Variants in ABHD5 observed in about 807,000 individuals in gnomAD.
The protein encoded by ABHD5 is abhydrolase domain containing 5, lysophosphatidic acid acyltransferase, also known as 1-acylglycerol-3-phosphate O-acyltransferase ABHD5.
In ABHD5, 30 loss-of-function variants were observed where a neutral mutation model predicts 44.9. The ratio of observed to expected loss-of-function variants is 0.67; its 90% confidence interval spans 0.50 to 0.91. The LOEUF (loss-of-function observed/expected upper bound fraction) is 0.91. Ranked by LOEUF, ABHD5 falls within the 40% of genes least tolerant of loss-of-function variation. The pLI is 0.00. For synonymous variants in ABHD5, 167 were observed against 147.0 expected (o/e 1.14, Z -0.99); for missense variants, 399 against 423.4 (o/e 0.94, Z 0.50).
intron 3 of ABHD5, among the ~76,000 whole-genome samples, chr3:43,706,085 T>C (rs1487965818): frequency 1.3e-5 from 2 of 152,154 alleles, no homozygotes; most frequent in East Asian, 3.9e-4. Context: ...GAAGTTGGCA[T>C]TCCCACTAAG....
chr3:43,695,942 A>T (rs1457604363), intron 1 of ABHD5, among the ~76,000 whole-genome samples: 1 of 152,206 alleles, frequency 6.6e-6, no homozygotes, highest in Non-Finnish European at 1.5e-5. Flanking sequence ...CACTAAAAAG[A>T]TTCTTAGTTT....
At chr3:43,733,210 G>A (rs556282906) in intron 7 of ABHD5, among the ~76,000 whole-genome samples, 43 of 152,264 alleles carry the variant, frequency 2.8e-4, no homozygotes, top group African/African-American at 9.1e-4. Context: ...GGGATCCCTG[G>A]GGGCTGTCTT....
chr3:43,718,641 C>G lies in ABHD5; in HGVS notation c.*109C>G, dbSNP rs1027112837. On this transcript the variant is annotated 3_prime_UTR_variant, in exon 7 of 7. Transcript: ENST00000644371. ...ATACAACACACAACCAGGCAGCCTTCTTGACTATACTTTGCACATGTTTTC... is the reference window on the plus strand; with the variant it reads ...ATACAACACACAACCAGGCAGCCTTGTTGACTATACTTTGCACATGTTTTC... 39 of 1,029,534 alleles carry G rather than the reference C, an allele frequency of 3.8e-5. No homozygotes were observed. The Admixed American group carries it at 5.5e-4, about 14-fold the overall frequency. The allele number at this position is 1,029,534 out of a possible 1,614,324, so 63.8% of individuals were successfully genotyped here. A position where few individuals can be genotyped will look rare whatever the true frequency, so the allele number is the denominator to read the frequency against.
intron 1 of ABHD5, chr3:43,691,653 G>A (rs2084388791): frequency 6.6e-6 from 1 of 152,344 alleles, no homozygotes; most frequent in Non-Finnish European, 1.5e-5. Context: ...GGGAAGGAGG[G>A]AGGGGAGAAG....
rs1697282119 is a variant in ABHD5 at position 43,733,602 on chromosome 3, C to A, written c.*30-278C>A. Among the ~76,000 whole-genome samples, 3 of 152,338 alleles carry A rather than the reference C, an allele frequency of 2.0e-5. No homozygotes were observed. The South Asian group carries it at 6.2e-4, about 32-fold the overall frequency. On this transcript the variant is annotated intron_variant, in intron 7 of 7. Transcript: ENST00000454293. ...AGGATGCCCTTGTGTTTGCCTTTCA[C>A]ATCTGGATTGTTGTCATAGTCCTGC...
downstream of ABHD5, among the ~76,000 whole-genome samples, chr3:43,725,434 T>C (rs773191629): frequency 3.4e-4 from 52 of 152,228 alleles, no homozygotes; most frequent in Admixed American, 1.3e-3. Context: ...AGCTCCAAGA[T>C]TTAAAAATTT....
At chr3:43,699,179 T>C in intron 1 of ABHD5, 97 bp from the exon 2 acceptor site, 2 of 1,069,748 alleles carry the variant, frequency 1.9e-6, no homozygotes, top group Non-Finnish European at 2.9e-6. Context: ...ACACAGGTAG[T>C]AAATTTCCTG....
In ABHD5 at chr3:43,691,085, C is replaced by T. The variant is rs201623005; in HGVS notation, c.47+46C>T. The T allele has an allele frequency of 1.8e-5, 27 of 1,503,506 alleles. No individual in the cohort carries two copies. In the East Asian group the frequency reaches 6.8e-4, roughly 38 times the overall value. 93.1% of individuals were successfully genotyped at this position (1,503,506 alleles called of 1,614,324 possible). A position where few individuals can be genotyped will look rare whatever the true frequency, so the allele number is the denominator to read the frequency against. ...GCTTCGTGTGTCTCCGGCGCGCACC[C>T]TCCGCGCGGGCCGGGTTAGGGCCCA... On this transcript the variant is annotated intron_variant, in intron 1 of 6. Coordinates refer to ENST00000644371, the MANE Select transcript of ABHD5 (RefSeq NM_016006.6).
chr3:43,726,683 A>G (rs1052790443), downstream of ABHD5, among the ~76,000 whole-genome samples: 6 of 152,216 alleles, frequency 3.9e-5, no homozygotes, highest in Non-Finnish European at 5.9e-5. Flanking sequence ...TTCGGCAAAC[A>G]TCTGAGCATG....
downstream of ABHD5, among the ~76,000 whole-genome samples, chr3:43,724,372 T>C (rs745359590): frequency 6.6e-6 from 1 of 152,058 alleles, no homozygotes; most frequent in Non-Finnish European, 1.5e-5. Flanking sequence ...TGGGCTGTAA[T>C]AGGTGCAACC....
At chr3:43,703,182 CTTTT>C (rs56246222) in intron 3 of ABHD5, among the ~76,000 whole-genome samples, 4 of 147,316 alleles carry the variant, frequency 2.7e-5, no homozygotes, top group Admixed American at 6.8e-5. Context: ...CTTTCTTTAA[CTTTT>C]TTTTTTTTTA....
chr3:43,699,189 G>T (rs2084509453), intron 1 of ABHD5, 87 bp from the exon 2 acceptor site: 2 of 1,176,830 alleles, frequency 1.7e-6, no homozygotes, highest in South Asian at 2.5e-5. Context: ...TAAATTTCCT[G>T]TGCTGCCTTT....
chr3:43,699,013 T>C (rs1306301999), intron 1 of ABHD5, among the ~76,000 whole-genome samples: 1 of 152,212 alleles, frequency 6.6e-6, no homozygotes, highest in African/African-American at 2.4e-5. Context: ...CATTTTATCC[T>C]CTTTTTGCTT....
chr3:43,724,478 G>A (rs1415839573), downstream of ABHD5, among the ~76,000 whole-genome samples: 2 of 152,168 alleles, frequency 1.3e-5, no homozygotes, highest in Non-Finnish European at 2.9e-5. Context: ...CTATCCCACA[G>A]ATACTCCAGC....
intron 2 of ABHD5, among the ~76,000 whole-genome samples, chr3:43,700,597 G>A (rs1226577168): frequency 6.8e-6 from 1 of 146,862 alleles, no homozygotes; most frequent in African/African-American, 2.5e-5. Flanking sequence ...TTTTTGAGAT[G>A]GAGCCTTGCT....
At chr3:43,717,337 G>A (rs2084777863) in intron 5 of ABHD5, among the ~76,000 whole-genome samples, 1 of 152,180 alleles carries the variant, frequency 6.6e-6, no homozygotes, top group East Asian at 1.9e-4. Context: ...CTGGGGATAA[G>A]CTACCTTCTA....
intron 1 of ABHD5, among the ~76,000 whole-genome samples, chr3:43,694,076 C>T (rs1378894284): frequency 1.6e-5 from 2 of 122,556 alleles, no homozygotes; most frequent in African/African-American, 3.7e-5. Context: ...GGGGTAACAC[C>T]GTGAAACCCC....
chr3:43,709,368 C>T (rs937137952), intron 3 of ABHD5, among the ~76,000 whole-genome samples: 1 of 152,104 alleles, frequency 6.6e-6, no homozygotes, highest in African/African-American at 2.4e-5. Flanking sequence ...GGCATTTTCA[C>T]CTAGGGATGA....
rs1033089579 is a variant in ABHD5, at chr3:43,702,082, A to G, written c.134-133A>G. On this transcript the variant is annotated intron_variant, in intron 2 of 6. Coordinates refer to ENST00000644371, the MANE Select transcript of ABHD5 (RefSeq NM_016006.6). ...CTTCAATAAAATGTGTACTTTTTAA[A>G]AATAGCTGACAATACAAGCTAAAAT... is the stretch of plus-strand genomic sequence containing the variant. 18 of 780,672 alleles carry G rather than the reference A, an allele frequency of 2.3e-5. No individual in the cohort carries two copies. In the African/African-American group the frequency reaches 2.6e-4, roughly 11 times the overall value. 48.4% of individuals were successfully genotyped at this position (780,672 alleles called of 1,614,324 possible). A position where few individuals can be genotyped will look rare whatever the true frequency, so the allele number is the denominator to read the frequency against.
Sources: allele counts gnomAD v4.1 joint callset (sites outside exome capture counted in the v4.1 genomes callset), GRCh38; gene constraint gnomAD v4.1.1; transcripts MANE v1.5; gene names NCBI Gene and HGNC (gene_info 2026-07-23, HGNC 2026-07-21).